The following TLL2 variants were observed in gnomAD, a reference collection of about 807,000 sequenced individuals.
TLL2 encodes the protein tolloid-like protein 2.
TLL2 carries 106 observed loss-of-function variants against 123.0 expected under a neutral mutation model. The ratio of observed to expected loss-of-function variants is 0.86; its 90% confidence interval spans 0.74 to 1.01. The LOEUF is 1.01. TLL2 is among the 50% of genes least tolerant of loss of function. The pLI is 0.00. For missense variants in TLL2, 1,332 were observed against 1,336.7 expected, an observed-to-expected ratio of 1.00 and a Z score of 0.06; for synonymous variants, 494 against 516.8, an observed-to-expected ratio of 0.96 and a Z score of 0.60.
rs1311103624 is a variant in TLL2 at position 96,446,571 on chromosome 10, G to A, written c.287-403C>T. 3.3e-5 allele frequency among the ~76,000 whole-genome samples: 5 copies of A among 152,220 alleles called. 1 individual carries two copies. In the South Asian group the frequency reaches 1.0e-3, roughly 32 times the overall value. On this transcript the variant is annotated intron_variant, in intron 2 of 20. Coordinates refer to ENST00000357947, the MANE Select transcript of TLL2 (RefSeq NM_012465.4). ...GGAGTCCGCTTGGTGCAGAACACAG[G>A]GAGATGTGCCCAGTGCTGCCGAATA...
chr10:96,367,936 TTCAAATATATACCTC>T lies in TLL2; in HGVS notation c.*137_*151del. 1 of 950,322 alleles carries T rather than the reference TTCAAATATATACCTC, an allele frequency of 1.1e-6. No individual in the cohort carries two copies. Among genetic ancestry groups the T allele is most frequent in the Non-Finnish European group, 1.5e-6 (1 of 665,114 alleles). The allele number at this position is 950,322 out of a possible 1,614,324, so 58.9% of individuals were successfully genotyped here. The stretch of plus-strand genomic sequence containing the variant: ...GTTGGCCAAACTTACAAGACTTTCA[TTCAAATATATACCTC>T]TAAGGCTGGATTCTGAGTTTTTGTT... On this transcript the variant is annotated 3_prime_UTR_variant, in exon 21 of 21. Transcript: ENST00000357947.
At chr10:96,468,910 C>T (rs1847153599) in intron 2 of TLL2, among the ~76,000 whole-genome samples, 1 of 152,232 alleles carries the variant, frequency 6.6e-6, no homozygotes, top group Non-Finnish European at 1.5e-5. Flanking sequence ...TAAGTCAGCC[C>T]CTGAATGAGG....
intron 3 of TLL2, among the ~76,000 whole-genome samples, chr10:96,439,746 C>T (rs867624546): frequency 6.6e-5 from 10 of 152,120 alleles, no homozygotes; most frequent in African/African-American, 2.4e-4. Context: ...ATGTAATACA[C>T]TGTTAAACCT....
chr10:96,452,800 C>G (rs1303539452), intron 2 of TLL2, among the ~76,000 whole-genome samples: 1 of 152,150 alleles, frequency 6.6e-6, no homozygotes, highest in Non-Finnish European at 1.5e-5. Flanking sequence ...GGAAAATTAC[C>G]TGCAAGACAC....
intron 10 of TLL2, among the ~76,000 whole-genome samples, chr10:96,399,633 A>G (rs1052683337): frequency 6.6e-6 from 1 of 152,246 alleles, no homozygotes; most frequent in Non-Finnish European, 1.5e-5. Context: ...GGCACGGCCA[A>G]TTAGTGTCAA....
At chr10:96,371,214 G>A (rs555744339) in intron 19 of TLL2, among the ~76,000 whole-genome samples, 166 of 152,024 alleles carry the variant, frequency 1.1e-3, no homozygotes, top group Non-Finnish European at 2.0e-3. Context: ...CTAGCTACTC[G>A]GGAGGCTGAG....
chr10:96,425,115 T>C lies in TLL2; in HGVS notation c.639-2388A>G, dbSNP rs1434010053. Among the ~76,000 whole-genome samples the C allele has an allele frequency of 3.3e-5, 5 of 152,012 alleles. No individual in the cohort carries two copies. The South Asian group carries it at 6.2e-4, about 19-fold the overall frequency. ...TTAAAATGTTACCCAAATTTGTGTA[T>C]AGGTATATTCATTTTGGACCCTTTT... On this transcript the variant is annotated intron_variant, in intron 5 of 20. Coordinates refer to ENST00000357947, the MANE Select transcript of TLL2 (RefSeq NM_012465.4).
At chr10:96,495,093 C>T (rs1165958147) in intron 1 of TLL2, among the ~76,000 whole-genome samples, 1 of 152,142 alleles carries the variant, frequency 6.6e-6, no homozygotes, top group Non-Finnish European at 1.5e-5. Flanking sequence ...TAACAAGCCA[C>T]TCCAATAACT....
intron 1 of TLL2, among the ~76,000 whole-genome samples, chr10:96,485,650 T>C (rs1847348566): frequency 1.3e-5 from 2 of 152,244 alleles, no homozygotes; most frequent in Non-Finnish European, 2.9e-5. Flanking sequence ...AAGTGTTGAC[T>C]GAATACAATA....
intron 10 of TLL2, among the ~76,000 whole-genome samples, chr10:96,400,371 A>C (rs867744313): frequency 4.3e-4 from 65 of 152,000 alleles, no homozygotes; most frequent in Admixed American, 1.6e-3. Flanking sequence ...AAAAAAAAAA[A>C]AAAAAAAAAC....
chr10:96,397,343 A>G (rs915837859), intron 10 of TLL2, 41 bp from the exon 11 acceptor site: 1 of 1,531,812 alleles, frequency 6.5e-7, no homozygotes, highest in South Asian at 1.2e-5. Context: ...CCCTGGGGAC[A>G]GCAAGAAGGC....
chr10:96,381,619 C>T (rs1254674279), intron 16 of TLL2, among the ~76,000 whole-genome samples: 1 of 152,244 alleles, frequency 6.6e-6, no homozygotes, highest in East Asian at 1.9e-4. Flanking sequence ...CCCACTGCTC[C>T]AGGCAACCAT....
intron 11 of TLL2, among the ~76,000 whole-genome samples, chr10:96,396,436 T>TGCACACATGC (rs540819856): frequency 6.6e-6 from 1 of 150,630 alleles, no homozygotes; most frequent in East Asian, 1.9e-4. Flanking sequence ...CGCGCACACG[T>TGCACACATGC]GCACACATGC....
At chr10:96,442,924 T>C (rs562446153) in intron 3 of TLL2, among the ~76,000 whole-genome samples, 1 of 152,336 alleles carries the variant, frequency 6.6e-6, no homozygotes, top group East Asian at 1.9e-4. Context: ...CCTGGCTATG[T>C]GCTTTACATA....
At chr10:96,504,843 C>T (rs1164568622) in intron 1 of TLL2, among the ~76,000 whole-genome samples, 1 of 151,982 alleles carries the variant, frequency 6.6e-6, no homozygotes, top group Non-Finnish European at 1.5e-5. Flanking sequence ...GTCATCTCTA[C>T]TAAAAATACA....
At chr10:96,373,463 A>AT in intron 19 of TLL2, 133 bp downstream of exon 19, 2 of 830,780 alleles carry the variant, frequency 2.4e-6, no homozygotes, top group Non-Finnish European at 3.8e-6. Context: ...TTAATAGGAC[A>AT]TTTTATCACG....
At chr10:96,470,201 C>T (rs938232486) in intron 2 of TLL2, among the ~76,000 whole-genome samples, 3 of 152,218 alleles carry the variant, frequency 2.0e-5, no homozygotes, top group Non-Finnish European at 4.4e-5. Context: ...GTGGGCCTGC[C>T]CAGCTCCATC....
intron 20 of TLL2, among the ~76,000 whole-genome samples, chr10:96,368,481 G>C (rs998665026): frequency 6.6e-6 from 1 of 152,214 alleles, no homozygotes; most frequent in Non-Finnish European, 1.5e-5. Context: ...GTATGCAGGT[G>C]GGTCAGGTGC....
intron 2 of TLL2, among the ~76,000 whole-genome samples, chr10:96,478,618 T>A (rs1847282139): frequency 1.3e-5 from 2 of 151,704 alleles, no homozygotes; most frequent in Non-Finnish European, 2.9e-5. Context: ...TAAACCAGAG[T>A]CCGTTCATAC....
Sources: allele counts gnomAD v4.1 joint callset (sites outside exome capture counted in the v4.1 genomes callset), GRCh38; gene constraint gnomAD v4.1.1; transcripts MANE v1.5; gene names NCBI Gene and HGNC (gene_info 2026-07-23, HGNC 2026-07-21).